The following DUX4 variants were observed in gnomAD, a reference collection of about 807,000 sequenced individuals.
DUX4 encodes double homeobox protein 4.
chr4:190,176,717 T>C (rs1215300542), downstream of DUX4, among the ~76,000 whole-genome samples: 3 of 91,632 alleles, frequency 3.3e-5, 1 homozygote, highest in African/African-American at 9.2e-5. Flanking sequence ...AATGCCCATG[T>C]AGGCAGATCT....
At chr4:190,183,503 G>T in intron 1 of DUX4, among the ~76,000 whole-genome samples, 3 of 100,734 alleles carry the variant, frequency 3.0e-5, no homozygotes, top group East Asian at 3.5e-4. Flanking sequence ...AATGCTTTTT[G>T]TTTGTTTTTA....
intron 1 of DUX4, among the ~76,000 whole-genome samples, chr4:190,181,509 G>C (rs1742576469): frequency 6.6e-3 from 859 of 130,342 alleles, no homozygotes; most frequent in African/African-American, 0.01. Context: ...TATAGGCAGA[G>C]CCTGGACAAG....
intron 1 of DUX4, among the ~76,000 whole-genome samples, chr4:190,183,633 C>T (rs1485548515): frequency 1.8e-5 from 2 of 109,562 alleles, no homozygotes; most frequent in African/African-American, 5.4e-5. Flanking sequence ...TGTTTAGATT[C>T]ATATGGGAAT....
rs1490548518 is a variant in DUX4, at chr4:190,183,723, A to T, written n.93-1618A>T. Among the ~76,000 whole-genome samples, 5 of 113,874 alleles carry T rather than the reference A, an allele frequency of 4.4e-5. 1 individual carries two copies. The highest frequency in any genetic ancestry group is 1.3e-4 in the African/African-American group (5 of 38,636). The allele number at this position is 113,874 out of a possible 152,430, so 74.7% of individuals were successfully genotyped here. A position where few individuals can be genotyped will look rare whatever the true frequency, so the allele number is the denominator to read the frequency against. On this transcript the variant is annotated intron_variant and non_coding_transcript_variant, in intron 1 of 2. Transcript: ENST00000563716. ...AGCCATTTGTTCTTATTTTAAGGAAAATATGCTAATTTTAAACTCCAAATA... is the reference window on the plus strand; with the variant it reads ...AGCCATTTGTTCTTATTTTAAGGAATATATGCTAATTTTAAACTCCAAATA...
chr4:190,183,003 AGTTAGG>A (rs1443164786), intron 1 of DUX4, among the ~76,000 whole-genome samples: 40 of 43,124 alleles, frequency 9.3e-4, no homozygotes, highest in African/African-American at 1.8e-3. Flanking sequence ...TCAGGTTAAG[AGTTAGG>A]GTTAGGGTTA....
At chr4:190,176,015 G>A (rs1280562095), downstream of DUX4, among the ~76,000 whole-genome samples, 2 of 110,388 alleles carry the variant, frequency 1.8e-5, 1 homozygote, top group Non-Finnish European at 4.2e-5. Flanking sequence ...TCAGTGTAGA[G>A]ATATGTTAAA....
chr4:190,177,163 A>ATAAATGG (rs1742346232), downstream of DUX4, among the ~76,000 whole-genome samples: 3 of 113,630 alleles, frequency 2.6e-5, no homozygotes, highest in Non-Finnish European at 4.0e-5. Flanking sequence ...CATCACCTAG[A>ATAAATGG]TGATCTGTGC....
chr4:190,176,888 G>A (rs1262713014), downstream of DUX4, among the ~76,000 whole-genome samples: 1 of 114,566 alleles, frequency 8.7e-6, no homozygotes, highest in East Asian at 2.9e-4. Context: ...GATCACCTAG[G>A]TGATCAGTGC....
At chr4:190,179,522 G>C (rs1579835596), downstream of DUX4, among the ~76,000 whole-genome samples, 57 of 27,848 alleles carry the variant, frequency 2.0e-3, no homozygotes, top group African/African-American at 5.2e-3. Context: ...CCCCCTGTAG[G>C]CAGAGCCTAG....
downstream of DUX4, among the ~76,000 whole-genome samples, chr4:190,177,196 G>GT (rs1742350730): frequency 1.5e-5 from 2 of 131,858 alleles, no homozygotes; most frequent in African/African-American, 2.8e-5. Flanking sequence ...AAACGCCCCT[G>GT]TAGGCAGAGC....
chr4:190,175,506 C>G (rs1742242438), intron 1 of DUX4, 141 bp from the exon 2 acceptor site: 3 of 82,254 alleles, frequency 3.6e-5, no homozygotes, highest in African/African-American at 9.3e-5. Context: ...GGCCTGACAC[C>G]GCTCCGGCGG....
At chr4:190,176,711 C>A (rs1214825016), downstream of DUX4, among the ~76,000 whole-genome samples, 4 of 67,986 alleles carry the variant, frequency 5.9e-5, no homozygotes, top group South Asian at 5.9e-4. Flanking sequence ...TGTCAGAATG[C>A]CCATGTAGGC....
At chr4:190,176,263 A>C (rs1742299818), downstream of DUX4, among the ~76,000 whole-genome samples, 1 of 113,838 alleles carries the variant, frequency 8.8e-6, no homozygotes, top group African/African-American at 2.6e-5. Flanking sequence ...GACAATTTTT[A>C]CATCTCCTGA....
chr4:190,175,981 A>C (rs1343975951), downstream of DUX4: 1 of 110,060 alleles, frequency 9.1e-6, no homozygotes, highest in Non-Finnish European at 2.1e-5. Flanking sequence ...CTGAACCTAG[A>C]GAATGGTTAC....
At chr4:190,176,262 TA>T (rs1249264266), downstream of DUX4, among the ~76,000 whole-genome samples, 22 of 114,102 alleles carry the variant, frequency 1.9e-4, 3 homozygotes, top group African/African-American at 5.2e-4. Context: ...AGACAATTTT[TA>T]CATCTCCTGA....
intron 1 of DUX4, among the ~76,000 whole-genome samples, chr4:190,181,498 C>T (rs1579837539): frequency 0.087 from 2,432 of 27,948 alleles, no homozygotes; most frequent in South Asian, 0.11. Context: ...ACAAGGCCCC[C>T]TATAGGCAGA....
At chr4:190,177,163 A>ATCTGTGG (rs1742346232), downstream of DUX4, among the ~76,000 whole-genome samples, 1 of 113,640 alleles carries the variant, frequency 8.8e-6, no homozygotes, top group Admixed American at 9.9e-5. Context: ...CATCACCTAG[A>ATCTGTGG]TGATCTGTGC....
intron 1 of DUX4, among the ~76,000 whole-genome samples, chr4:190,181,201 G>C (rs1742551800): frequency 0.017 from 701 of 42,472 alleles, no homozygotes; most frequent in Admixed American, 0.026. Flanking sequence ...TGGGTGATCA[G>C]TGCAGAGATA....
downstream of DUX4, among the ~76,000 whole-genome samples, chr4:190,178,838 T>A (rs1742455821): frequency 6.7e-5 from 10 of 150,250 alleles, no homozygotes; most frequent in East Asian, 1.9e-4. Flanking sequence ...AATTCCCCTG[T>A]AGGCAGAGCT....
Sources: gnomAD v4.1 joint callset for allele counts (sites outside exome capture counted in the v4.1 genomes callset) on GRCh38, gnomAD v4.1.1 for gene constraint, MANE v1.5 for transcripts, NCBI Gene and HGNC (gene_info 2026-07-23, HGNC 2026-07-21) for gene names.